LRRC4B: variants seen among roughly 807,000 people sequenced by gnomAD.
LRRC4B encodes the protein leucine rich repeat containing 4B, also known as leucine-rich repeat-containing protein 4B.
In LRRC4B, 1 loss-of-function variant was observed where a neutral mutation model predicts 7.3. The observed-to-expected ratio is 0.14, with a 90% CI of 0.05 to 0.65. The LOEUF is 0.65. Ranked by LOEUF, LRRC4B falls within the 30% of genes least tolerant of loss-of-function variation. The pLI is 0.84. For synonymous variants in LRRC4B, 500 were observed against 499.2 expected, an observed-to-expected ratio of 1.00 and a Z score of -0.02; for missense variants, 730 against 1,041.6, an observed-to-expected ratio of 0.70 and a Z score of 4.12.
chr19:50,517,779 C>G lies in LRRC4B; in HGVS notation c.1934G>C (p.Gly645Ala). Residue 645 changes from glycine to alanine, a missense_variant, in exon 3 of 3, where the codon GGC (glycine) becomes GCC (alanine). Gly to Ala is a moderately conservative substitution (Grantham distance 60, BLOSUM62 0). Transcript: ENST00000652263. This position sits in a 1 kb window ranked among gnomAD's most constrained non-coding sequence, Gnocchi z 6.6. ...AAAVASGGGV[G>A]GDSHLALPAL... ...GGGCAGGGCCAGGTGGCTGTCCCCG[C>G]CCACACCACCCCCACTGGCCACGGC... is the stretch of plus-strand genomic sequence containing the variant. 1 of 1,525,812 alleles carries G rather than the reference C, an allele frequency of 6.6e-7. No homozygotes were observed. Among genetic ancestry groups the G allele is most frequent in the Non-Finnish European group, 8.8e-7 (1 of 1,142,252 alleles). 94.5% of individuals were successfully genotyped at this position (1,525,812 alleles called of 1,614,324 possible).
intron 2 of LRRC4B, among the ~76,000 whole-genome samples, chr19:50,547,617 G>C (rs1287287873): frequency 6.7e-6 from 1 of 149,604 alleles, no homozygotes; most frequent in African/African-American, 2.5e-5. Flanking sequence ...AATGCCTGGA[G>C]ATATTTTTGG....
Position 50,518,603 on chromosome 19 carries a change from G to C in LRRC4B, c.1110C>G (p.Pro370=), listed in dbSNP as rs1980412174. 10 of 1,600,566 alleles carry C rather than the reference G, an allele frequency of 6.2e-6. No homozygotes were observed. In the East Asian group the frequency reaches 2.0e-4, roughly 32 times the overall value. Residue 370 remains proline, a synonymous_variant, in exon 3 of 3, where the codon CCC becomes CCG. Coordinates refer to ENST00000652263, the MANE Select transcript of LRRC4B (RefSeq NM_001080457.2). ...TGCCCTCGGTGACGTTGAGGTCCGT[G>C]GGCGGCTCCACGATGACGGGCGCAT... ...TCYAPVIVEP[P]TDLNVTEGMA...
Position 50,556,350 on chromosome 19 carries a change from C to CCCAGGCTCCTCCCACCCA in LRRC4B, c.-35-7495_-35-7478dup, listed in dbSNP as rs1982275952. The stretch of plus-strand genomic sequence containing the variant: ...TTCCCGTGCAGCCACGCCGCTCTCC[C>CCCAGGCTCCTCCCACCCA]CCAGGCTCCTCCCACCCACCAGGCG... On this transcript the variant is annotated intron_variant, in intron 1 of 2. Coordinates refer to ENST00000652263, the MANE Select transcript of LRRC4B (RefSeq NM_001080457.2). This position sits in a 1 kb window ranked among gnomAD's most constrained non-coding sequence, Gnocchi z 4.2. Among the ~76,000 whole-genome samples, 1 of 152,074 alleles carries CCCAGGCTCCTCCCACCCA rather than the reference C, an allele frequency of 6.6e-6. No homozygotes were observed. Among genetic ancestry groups the CCCAGGCTCCTCCCACCCA allele is most frequent in the Admixed American group, 6.5e-5 (1 of 15,274 alleles).
chr19:50,538,571 T>TG (rs1568725890), intron 2 of LRRC4B, among the ~76,000 whole-genome samples: 3 of 121,492 alleles, frequency 2.5e-5, no homozygotes, highest in African/African-American at 4.8e-5. Context: ...TTTTTTTTTT[T>TG]TTTTTTTTTT....
Position 50,524,393 on chromosome 19 carries a change from G to A in LRRC4B, c.298-4978C>T, listed in dbSNP as rs139708493. ...CCTGAGTAGCTGGGACTACAGGCAC[G>A]TGCCAGCACACCTGGCTAATTTTAT... On this transcript the variant is annotated intron_variant, in intron 2 of 2. Coordinates refer to ENST00000652263, the MANE Select transcript of LRRC4B (RefSeq NM_001080457.2). Among the ~76,000 whole-genome samples, 610 of 152,214 alleles carry A rather than the reference G, an allele frequency of 4.0e-3. 4 individuals are homozygous for A. Among genetic ancestry groups the A allele is most frequent in the Non-Finnish European group, 6.6e-3 (450 of 68,028 alleles).
chr19:50,526,751 G>T lies in LRRC4B; in HGVS notation c.298-7336C>A, dbSNP rs1437424053. Among the ~76,000 whole-genome samples the T allele has an allele frequency of 2.0e-5, 3 of 151,968 alleles. No homozygotes were observed. In the South Asian group the frequency reaches 6.2e-4, roughly 32 times the overall value. ...ATGTATGAGAAGAAAATAAAAATTG[G>T]CCAAAATACATCTACCCAGAGCTAA... On this transcript the variant is annotated intron_variant, in intron 2 of 2. Coordinates refer to ENST00000652263, the MANE Select transcript of LRRC4B (RefSeq NM_001080457.2).
At chr19:50,538,862 C>CCCGGCCAGGTTT in intron 2 of LRRC4B, among the ~76,000 whole-genome samples, 2 of 150,742 alleles carry the variant, frequency 1.3e-5, no homozygotes, top group African/African-American at 4.9e-5. Context: ...AGCCACCGTG[C>CCCGGCCAGGTTT]TGGGATTACA....
chr19:50,563,294 CT>C lies in LRRC4B; in HGVS notation c.-36+4649del, dbSNP rs1172769801. 1.3e-5 allele frequency among the ~76,000 whole-genome samples: 2 copies of C among 152,162 alleles called. No homozygotes were observed. The highest frequency in any genetic ancestry group is 4.8e-5 in the African/African-American group (2 of 41,464). ...ACTCTCCTTACTCTCCTGCCACCCCCTGTCTGGCGGAGCCAGCCCAGCCTCA... is the reference window on the plus strand; with the variant it reads ...ACTCTCCTTACTCTCCTGCCACCCCCGTCTGGCGGAGCCAGCCCAGCCTCA... On this transcript the variant is annotated intron_variant, in intron 1 of 2. Transcript: ENST00000652263. The surrounding 1 kb of genome is among the most constrained non-coding windows in gnomAD (Gnocchi z 4.9).
intron 1 of LRRC4B, among the ~76,000 whole-genome samples, chr19:50,566,439 C>T (rs914463975): frequency 6.6e-6 from 1 of 151,648 alleles, no homozygotes; most frequent in Non-Finnish European, 1.5e-5. Context: ...TGGGCTCTCC[C>T]CAGGGGAATT....
rs757561195 is a variant in LRRC4B, at chr19:50,556,749, C to A, written c.-35-7876G>T. On this transcript the variant is annotated intron_variant, in intron 1 of 2. Transcript: ENST00000652263. This position sits in a 1 kb window ranked among gnomAD's most constrained non-coding sequence, Gnocchi z 4.2. Reference sequence around the variant, plus strand: ...AGTATTTGCTGCAGGAACGAGCGAGCCAGCGCCCCCTACCGGCAGTTCCTC... The same window carrying A: ...AGTATTTGCTGCAGGAACGAGCGAGACAGCGCCCCCTACCGGCAGTTCCTC... Among the ~76,000 whole-genome samples the A allele has an allele frequency of 6.6e-6, 1 of 152,152 alleles. No individual in the cohort carries two copies. The highest frequency in any genetic ancestry group is 1.5e-5 in the Non-Finnish European group (1 of 68,014).
intron 1 of LRRC4B, among the ~76,000 whole-genome samples, chr19:50,549,420 T>C (rs1437542092): frequency 6.7e-6 from 1 of 149,534 alleles, no homozygotes; most frequent in Non-Finnish European, 1.5e-5. Context: ...CCTCCCCCTC[T>C]CCCCATCCCA....
chr19:50,552,683 T>TCCATCCATTCATCCATCCATCCATCCAC (rs377729910), intron 1 of LRRC4B, among the ~76,000 whole-genome samples: 1 of 121,354 alleles, frequency 8.2e-6, no homozygotes, highest in African/African-American at 3.6e-5. Context: ...CATCCATCCA[T>TCCATCCATTCATCCATCCATCCATCCAC]CCATCCGTCC....
At chr19:50,551,235 C>T (rs1052095276) in intron 1 of LRRC4B, among the ~76,000 whole-genome samples, 2 of 152,082 alleles carry the variant, frequency 1.3e-5, no homozygotes, top group Admixed American at 1.3e-4. Context: ...GCCCAGGCCC[C>T]CCCCTCCACA....
At chr19:50,523,953 T>G (rs1980692583) in intron 2 of LRRC4B, among the ~76,000 whole-genome samples, 2 of 150,640 alleles carry the variant, frequency 1.3e-5, no homozygotes, top group African/African-American at 2.4e-5. Context: ...AGTGAGACTC[T>G]GTCTAAAAAA....
At chr19:50,559,440 A>G (rs1284970569) in intron 1 of LRRC4B, among the ~76,000 whole-genome samples, 1 of 152,204 alleles carries the variant, frequency 6.6e-6, no homozygotes, top group Non-Finnish European at 1.5e-5. Context: ...TCTGAAAAAA[A>G]GGAAAGAAAA....
chr19:50,565,859 AAGTG>A (rs1347635604), intron 1 of LRRC4B, among the ~76,000 whole-genome samples: 1 of 151,396 alleles, frequency 6.6e-6, no homozygotes, highest in African/African-American at 2.4e-5. Flanking sequence ...TTCGGAAATT[AAGTG>A]AGTAACTCCG....
chr19:50,528,309 G>A (rs563141860), intron 2 of LRRC4B, among the ~76,000 whole-genome samples: 7 of 152,210 alleles, frequency 4.6e-5, no homozygotes, highest in South Asian at 2.1e-4. Context: ...CCAAAGTGCC[G>A]GGATTACAGG....
intron 2 of LRRC4B, among the ~76,000 whole-genome samples, chr19:50,521,052 G>A (rs750818491): frequency 1.8e-4 from 28 of 152,110 alleles, no homozygotes; most frequent in Non-Finnish European, 3.7e-4. Flanking sequence ...AGGATGCTGC[G>A]GCTCAGCCAT....
chr19:50,534,689 G>A (rs924744841), intron 2 of LRRC4B, among the ~76,000 whole-genome samples: 1 of 152,158 alleles, frequency 6.6e-6, no homozygotes, highest in African/African-American at 2.4e-5. Flanking sequence ...AACTTGGCCT[G>A]TGTAGGGGGA....
Sources: gnomAD v4.1 joint callset for allele counts (sites outside exome capture counted in the v4.1 genomes callset) on GRCh38, gnomAD v4.1.1 for gene constraint, Gnocchi (gnomAD v3.1) non-coding constraint, MANE v1.5 for transcripts, NCBI Gene and HGNC (gene_info 2026-07-23, HGNC 2026-07-21) for gene names.